Variants in ZC3H12C observed in about 807,000 individuals in gnomAD.
ZC3H12C encodes the protein probable ribonuclease ZC3H12C.
ZC3H12C carries 20 observed loss-of-function variants against 76.3 expected under a neutral mutation model. The ratio of observed to expected loss-of-function variants is 0.26; its 90% CI spans 0.18 to 0.38. The LOEUF (loss-of-function observed/expected upper bound fraction) is 0.38, where lower values mean the gene tolerates loss of function less well. Ranked by LOEUF, ZC3H12C falls within the 10% of genes least tolerant of loss-of-function variation. ZC3H12C has a pLI of 1.00. For missense variants in ZC3H12C, 874 were observed against 1,086.5 expected, an observed-to-expected ratio of 0.80 and a Z score of 2.75; for synonymous variants, 352 against 399.6, an observed-to-expected ratio of 0.88 and a Z score of 1.42.
chr11:110,153,064 C>A lies in ZC3H12C; in HGVS notation c.913+6C>A, dbSNP rs376745983. On this transcript the variant is annotated splice_donor_region_variant and intron_variant, in intron 3 of 5. Transcript: ENST00000278590. ...ACCTGATGCTCTCATTACAGGTAGG[C>A]TTATTCCAGGCGGCTGCTTGTACCT... 165 of 1,609,158 alleles carry A rather than the reference C, an allele frequency of 1.0e-4. No individual in the cohort carries two copies. The highest frequency in any genetic ancestry group is 1.2e-4 in the Non-Finnish European group (146 of 1,177,820).
intron 1 of ZC3H12C, among the ~76,000 whole-genome samples, chr11:110,114,244 AC>A: frequency 6.6e-6 from 1 of 151,834 alleles, no homozygotes; most frequent in East Asian, 1.9e-4. Context: ...CCCTCCTTCT[AC>A]CTAACACAGA....
chr11:110,169,288 C>T lies in ZC3H12C; in HGVS notation c.*3551C>T, dbSNP rs1862633018. On this transcript the variant is annotated 3_prime_UTR_variant, in exon 6 of 6. Coordinates refer to ENST00000278590, the MANE Select transcript of ZC3H12C (RefSeq NM_033390.2). ...GTAATATATTTATAAAACAAATATA[C>T]TTTGCTTATGTTATAGCTCTTAGTT... is the stretch of plus-strand genomic sequence containing the variant. 1 of 150,726 alleles carries T rather than the reference C, an allele frequency of 6.6e-6. No individual in the cohort carries two copies. The highest frequency in any genetic ancestry group is 2.4e-5 in the African/African-American group (1 of 40,894). 9.3% of individuals were successfully genotyped at this position (150,726 alleles called of 1,614,324 possible).
chr11:110,163,405 A>G, intron 5 of ZC3H12C, 26 bp downstream of exon 5: 2 of 1,563,986 alleles, frequency 1.3e-6, no homozygotes, highest in African/African-American at 1.4e-5. Context: ...AATATTGGGT[A>G]TATGCCTTTA....
At chr11:110,146,148 G>A (rs1252198726) in intron 2 of ZC3H12C, among the ~76,000 whole-genome samples, 2 of 152,042 alleles carry the variant, frequency 1.3e-5, no homozygotes, top group South Asian at 2.1e-4. Flanking sequence ...CACCACGCCC[G>A]GCTAATTGTT....
intron 1 of ZC3H12C, among the ~76,000 whole-genome samples, chr11:110,103,432 TAGTAGC>T: frequency 6.6e-6 from 1 of 152,324 alleles, no homozygotes; most frequent in African/African-American, 2.4e-5. Flanking sequence ...TGAAAGATAA[TAGTAGC>T]TAACATTTAT....
rs905736988 is a variant in ZC3H12C, at chr11:110,130,194, A to G, written c.22-6469A>G. On this transcript the variant is annotated intron_variant, in intron 1 of 5. Coordinates refer to ENST00000278590, the MANE Select transcript of ZC3H12C (RefSeq NM_033390.2). The stretch of plus-strand genomic sequence containing the variant: ...ACACTGCTATTGGCATACATAGGAT[A>G]GGTTATTCTGATGATTTTAAGTTGA... Among the ~76,000 whole-genome samples the G allele has an allele frequency of 4.6e-5, 7 of 152,214 alleles. 1 individual carries two copies. The highest frequency in any genetic ancestry group is 1.0e-4 in the Non-Finnish European group (7 of 68,014).
At chr11:110,161,577 G>A (rs1048696653) in intron 4 of ZC3H12C, among the ~76,000 whole-genome samples, 4 of 152,200 alleles carry the variant, frequency 2.6e-5, no homozygotes, top group African/African-American at 9.7e-5. Flanking sequence ...AATTTTGTGT[G>A]TGCCTTATGC....
intron 1 of ZC3H12C, among the ~76,000 whole-genome samples, chr11:110,122,861 C>T (rs1358542877): frequency 5.9e-5 from 9 of 152,114 alleles, no homozygotes; most frequent in African/African-American, 1.9e-4. Context: ...GACATAACCC[C>T]ATTGTAAATC....
At chr11:110,105,110 T>G (rs1021254333) in intron 1 of ZC3H12C, among the ~76,000 whole-genome samples, 1 of 152,226 alleles carries the variant, frequency 6.6e-6, no homozygotes, top group Non-Finnish European at 1.5e-5. Context: ...TATTCCGTGA[T>G]TTAATCTGTT....
chr11:110,093,748 C>T (rs1190765465), intron 1 of ZC3H12C, among the ~76,000 whole-genome samples: 1 of 152,124 alleles, frequency 6.6e-6, no homozygotes, highest in Non-Finnish European at 1.5e-5. Flanking sequence ...CGGTCCCCGC[C>T]CGCCCGGGGG....
rs140188456 is a variant in ZC3H12C, at chr11:110,099,199, G to A, written c.21+5767G>A. 2.2e-3 allele frequency among the ~76,000 whole-genome samples: 328 copies of A among 152,218 alleles called. 1 individual carries two copies. Among genetic ancestry groups the A allele is most frequent in the African/African-American group, 7.3e-3 (305 of 41,534 alleles). ...TATAATGCTTTAGTTGACTAGCCCA[G>A]TGAAATTCCTTTTTCTGCATCTGTG... is the stretch of plus-strand genomic sequence containing the variant. On this transcript the variant is annotated intron_variant, in intron 1 of 5. Transcript: ENST00000278590.
At chr11:110,149,923 A>G (rs1862240695) in intron 2 of ZC3H12C, among the ~76,000 whole-genome samples, 1 of 152,090 alleles carries the variant, frequency 6.6e-6, no homozygotes. Context: ...TGTCTTGTTT[A>G]AGAAGTGTTT....
At chr11:110,105,906 G>C (rs1389420770) in intron 1 of ZC3H12C, among the ~76,000 whole-genome samples, 1 of 152,046 alleles carries the variant, frequency 6.6e-6, no homozygotes, top group Non-Finnish European at 1.5e-5. Context: ...TGTATATATA[G>C]GTCTGTTTAA....
rs142145394 is a variant in ZC3H12C at position 110,155,412 on chromosome 11, T to G, written c.913+2354T>G. The stretch of plus-strand genomic sequence containing the variant: ...CAACCTGTCAAGAAAGTAGTTGGTC[T>G]TAAAATGTTAATATTCTTGGATCCA... On this transcript the variant is annotated intron_variant, in intron 3 of 5. Transcript: ENST00000278590. Among the ~76,000 whole-genome samples, 612 of 152,292 alleles carry G rather than the reference T, an allele frequency of 4.0e-3. 2 individuals carry two copies. Among genetic ancestry groups the G allele is most frequent in the African/African-American group, 0.014 (565 of 41,548 alleles).
intron 1 of ZC3H12C, among the ~76,000 whole-genome samples, chr11:110,120,198 C>T (rs935391932): frequency 5.9e-5 from 9 of 152,096 alleles, no homozygotes. Flanking sequence ...GGGAAATGGT[C>T]TCTGGTCACA....
At chr11:110,139,751 T>C (rs1046060643) in intron 2 of ZC3H12C, among the ~76,000 whole-genome samples, 2 of 152,178 alleles carry the variant, frequency 1.3e-5, no homozygotes, top group African/African-American at 2.4e-5. Context: ...CAACCATGCC[T>C]GTATACCAGA....
In ZC3H12C at chr11:110,169,661, C is replaced by T. The variant is rs927449881; in HGVS notation, c.*3924C>T. On this transcript the variant is annotated 3_prime_UTR_variant, in exon 6 of 6. Coordinates refer to ENST00000278590, the MANE Select transcript of ZC3H12C (RefSeq NM_033390.2). ...TTAATTCAGCTAACAGTTAAGTTTC[C>T]AAGGTATACACCAACAAATAAAATG... is the stretch of plus-strand genomic sequence containing the variant. The T allele has an allele frequency of 1.3e-5, 2 of 152,046 alleles. No homozygotes were observed. Among genetic ancestry groups the T allele is most frequent in the African/African-American group, 4.8e-5 (2 of 41,384 alleles). The allele number at this position is 152,046 out of a possible 1,614,324, so 9.4% of individuals were successfully genotyped here.
Position 110,097,237 on chromosome 11 carries a change from A to G in ZC3H12C, c.21+3805A>G, listed in dbSNP as rs181665582. ...TAAAGTATAATGTACACGGTTTTAC[A>G]TTACAACACTGACAATAATTCTTAT... On this transcript the variant is annotated intron_variant, in intron 1 of 5. Coordinates refer to ENST00000278590, the MANE Select transcript of ZC3H12C (RefSeq NM_033390.2). 1.4e-3 allele frequency among the ~76,000 whole-genome samples: 220 copies of G among 152,366 alleles called. 3 individuals are homozygous for G. The highest frequency in any genetic ancestry group is 5.0e-3 in the African/African-American group (208 of 41,596).
intron 3 of ZC3H12C, 21 bp from the exon 4 acceptor site, chr11:110,159,235 C>T (rs780293518): frequency 1.3e-6 from 2 of 1,575,600 alleles, no homozygotes; most frequent in African/African-American, 2.7e-5. Flanking sequence ...TTCTGCCATC[C>T]TACCGTCATT....
Sources: gnomAD v4.1 joint callset for allele counts (sites outside exome capture counted in the v4.1 genomes callset) on GRCh38, gnomAD v4.1.1 for gene constraint, MANE v1.5 for transcripts, NCBI Gene and HGNC (gene_info 2026-07-23, HGNC 2026-07-21) for gene names.